The following RALYL variants were observed in gnomAD, a reference collection of about 807,000 sequenced individuals.
The protein encoded by RALYL is RALY RNA binding protein like.
A neutral mutation model predicts 35.1 loss-of-function variants in RALYL; 29 were observed. That is an observed-to-expected ratio of 0.83 (90% CI 0.61 to 1.13). The LOEUF (loss-of-function observed/expected upper bound fraction) is 1.13. Ranked by LOEUF, RALYL falls within the 50% of genes most tolerant of loss-of-function variation. The probability of loss-of-function intolerance (pLI) is 0.00; values close to 1 mark genes in which losing one functional copy is unlikely to be tolerated. For synonymous variants in RALYL, 120 were observed against 127.6 expected, an observed-to-expected ratio of 0.94 and a Z score of 0.40; for missense variants, 359 against 360.4, an observed-to-expected ratio of 1.00 and a Z score of 0.03.
intron 2 of RALYL, among the ~76,000 whole-genome samples, chr8:84,535,553 AG>A (rs545355864): frequency 6.6e-6 from 1 of 151,256 alleles, no homozygotes; most frequent in Non-Finnish European, 1.5e-5. Context: ...CTCCTGCCTC[AG>A]CCTCCTGAGT....
chr8:84,736,611 G>A (rs115134330), intron 2 of RALYL, among the ~76,000 whole-genome samples: 64 of 152,172 alleles, frequency 4.2e-4, no homozygotes, highest in African/African-American at 1.5e-3. Context: ...TAGGTAAACA[G>A]TTCGATGTCC....
intron 2 of RALYL, among the ~76,000 whole-genome samples, chr8:84,555,178 C>T (rs191525804): frequency 1.3e-5 from 2 of 152,174 alleles, no homozygotes; most frequent in East Asian, 3.9e-4. Flanking sequence ...ACTCAGGAGG[C>T]TGAGGCAGGA....
chr8:84,469,723 C>A (rs1388774845), intron 1 of RALYL, among the ~76,000 whole-genome samples: 1 of 152,186 alleles, frequency 6.6e-6, no homozygotes, highest in East Asian at 1.9e-4. Context: ...CAATGGCAGG[C>A]GCCCCTCCCC....
chr8:84,704,446 G>GACACACAC (rs3068023), intron 2 of RALYL, among the ~76,000 whole-genome samples: 152 of 104,070 alleles, frequency 1.5e-3, no homozygotes, highest in African/African-American at 3.4e-3. Flanking sequence ...AATACACACA[G>GACACACAC]ACACACACAC....
chr8:84,717,997 T>C (rs976430401), intron 2 of RALYL, among the ~76,000 whole-genome samples: 3 of 152,198 alleles, frequency 2.0e-5, no homozygotes, highest in Non-Finnish European at 2.9e-5. Context: ...TTAGTCATTA[T>C]TGAGTTTTTT....
At chr8:84,607,886 C>G (rs1185648846) in intron 2 of RALYL, among the ~76,000 whole-genome samples, 2 of 151,006 alleles carry the variant, frequency 1.3e-5, no homozygotes, top group Non-Finnish European at 2.9e-5. Flanking sequence ...TCTAAAAAGA[C>G]AAAATGTAAT....
chr8:84,721,213 AAAAG>A (rs931317689), intron 2 of RALYL, among the ~76,000 whole-genome samples: 4 of 148,374 alleles, frequency 2.7e-5, no homozygotes, highest in African/African-American at 7.9e-5. Flanking sequence ...ATTAAAAAAA[AAAAG>A]AAAGAAAGAA....
chr8:84,839,140 G>T (rs771753615), intron 4 of RALYL, among the ~76,000 whole-genome samples: 1 of 152,152 alleles, frequency 6.6e-6, no homozygotes, highest in African/African-American at 2.4e-5. Context: ...TGAGTGCAGC[G>T]CACTGAGTGT....
At chr8:84,433,073 A>G (rs1258060844) in intron 1 of RALYL, among the ~76,000 whole-genome samples, 3 of 152,180 alleles carry the variant, frequency 2.0e-5, no homozygotes, top group Non-Finnish European at 4.4e-5. Flanking sequence ...TTCCTATTTT[A>G]TATAGTCTAA....
At chr8:84,364,103 C>T (rs1357773849) in intron 1 of RALYL, among the ~76,000 whole-genome samples, 1 of 152,106 alleles carries the variant, frequency 6.6e-6, no homozygotes, top group African/African-American at 2.4e-5. Context: ...ACATAAACCA[C>T]AAATGTTAGA....
At position 84,677,784 on chromosome 8, in the gene RALYL, G is replaced by T. The variant is rs571072039; in HGVS notation, c.257-96795G>T. ...GGCTAACCCAGCTCCCACGTGAAAT[G>T]ACTTTTTTTATGACATTTTCAATGT... On this transcript the variant is annotated intron_variant, in intron 2 of 8. Coordinates refer to ENST00000521268, the MANE Select transcript of RALYL (RefSeq NM_173848.7). Among the ~76,000 whole-genome samples, 3 of 152,286 alleles carry T rather than the reference G, an allele frequency of 2.0e-5. No homozygotes were observed. In the South Asian group the frequency reaches 6.2e-4, roughly 32 times the overall value.
chr8:84,890,166 G>A (rs1291388226), intron 8 of RALYL, among the ~76,000 whole-genome samples: 4 of 152,186 alleles, frequency 2.6e-5, no homozygotes, highest in Non-Finnish European at 4.4e-5. Flanking sequence ...CCAGTAGAGA[G>A]AGAGAACTTG....
intron 2 of RALYL, among the ~76,000 whole-genome samples, chr8:84,611,724 C>T (rs891060648): frequency 2.0e-5 from 3 of 152,112 alleles, no homozygotes; most frequent in African/African-American, 2.4e-5. Flanking sequence ...TAAGTATTTA[C>T]ACATTACATG....
intron 2 of RALYL, among the ~76,000 whole-genome samples, chr8:84,722,556 G>C (rs1229130795): frequency 6.9e-6 from 1 of 145,950 alleles, no homozygotes; most frequent in Non-Finnish European, 1.5e-5. Context: ...AAACAGGTCA[G>C]GGCCAATACA....
chr8:84,350,894 A>G (rs1333553942), intron 1 of RALYL, among the ~76,000 whole-genome samples: 1 of 150,090 alleles, frequency 6.7e-6, no homozygotes, highest in Non-Finnish European at 1.5e-5. Flanking sequence ...TCAGTGGTAA[A>G]ATAGAATTAT....
intron 1 of RALYL, among the ~76,000 whole-genome samples, chr8:84,289,655 G>A (rs535415675): frequency 1.7e-4 from 26 of 152,210 alleles, no homozygotes; most frequent in Admixed American, 9.2e-4. Context: ...TTGGACAAAT[G>A]TTTAAATGAA....
At chr8:84,476,151 T>A (rs78841059) in intron 1 of RALYL, among the ~76,000 whole-genome samples, 6,009 of 152,184 alleles carry the variant, frequency 0.039, 241 homozygotes, top group African/African-American at 0.098. Context: ...AGAAATAAGG[T>A]AGTAGAGAAG....
intron 2 of RALYL, among the ~76,000 whole-genome samples, chr8:84,554,054 T>A (rs1402092774): frequency 1.3e-5 from 2 of 152,214 alleles, no homozygotes; most frequent in Admixed American, 1.3e-4. Context: ...TTTCTTATAT[T>A]TCTTTAATTC....
intron 4 of RALYL, among the ~76,000 whole-genome samples, chr8:84,830,059 A>C (rs954143233): frequency 1.3e-5 from 2 of 150,898 alleles, no homozygotes; most frequent in African/African-American, 4.9e-5. Flanking sequence ...ACCAAGAAAA[A>C]GCACAAAAGT....
Sources: allele counts gnomAD v4.1 joint callset (sites outside exome capture counted in the v4.1 genomes callset), GRCh38; gene constraint gnomAD v4.1.1; transcripts MANE v1.5; gene names NCBI Gene and HGNC (gene_info 2026-07-23, HGNC 2026-07-21).